The following PRELID3B variants were observed in gnomAD, a reference collection of about 807,000 sequenced individuals.
PRELID3B encodes PRELI domain containing 3B.
PRELID3B carries 15 observed loss-of-function variants against 24.0 expected under a neutral mutation model. That is an observed-to-expected ratio of 0.63 (90% CI 0.42 to 0.96). PRELID3B has a LOEUF of 0.96. Among genes scored for constraint, PRELID3B ranks in the 40% least tolerant of loss-of-function variants. PRELID3B has a pLI of 0.00. For missense variants in PRELID3B, 189 were observed against 236.0 expected (o/e 0.80, Z 1.30); for synonymous variants, 62 against 76.0 (o/e 0.82, Z 0.96).
chr20:59,038,648 C>CA lies in PRELID3B; in HGVS notation c.33-15_33-14insT. 17 of 1,221,390 alleles carry CA rather than the reference C, an allele frequency of 1.4e-5. No individual in the cohort carries two copies. The highest frequency in any genetic ancestry group is 4.9e-5 in the South Asian group (2 of 41,122). The allele number at this position is 1,221,390 out of a possible 1,614,324, so 75.7% of individuals were successfully genotyped here. On this transcript the variant is annotated splice_polypyrimidine_tract_variant and intron_variant, in intron 1 of 5. Coordinates refer to ENST00000355937, the MANE Select transcript of PRELID3B (RefSeq NM_016045.3). ...TCCCACGGGTGGCTGCCGATGTGAA[C>CA]CAAAAAAAAAAAAAAAAAAATTCAG...
At chr20:59,039,254 A>G (rs994956751) in intron 1 of PRELID3B, among the ~76,000 whole-genome samples, 2 of 152,246 alleles carry the variant, frequency 1.3e-5, no homozygotes, top group Non-Finnish European at 2.9e-5. Context: ...GTCACTCAAT[A>G]TAATAAAATG....
chr20:59,035,538 G>A (rs952634700), intron 5 of PRELID3B, among the ~76,000 whole-genome samples: 1 of 152,096 alleles, frequency 6.6e-6, no homozygotes, highest in Non-Finnish European at 1.5e-5. Flanking sequence ...GTTCTATATA[G>A]TTCCTTGAAA....
At chr20:59,042,626 C>A in intron 1 of PRELID3B, 73 bp downstream of exon 1, 1 of 1,516,442 alleles carries the variant, frequency 6.6e-7, no homozygotes, top group African/African-American at 1.4e-5. Context: ...TCCTGCGGGC[C>A]GCCTCTGCCT....
rs2092059850 is a variant in PRELID3B, at chr20:59,034,928, T to C, written c.*79A>G. ...AAAAAAACTACCCAAAATATAGTTG[T>C]ATTTTTAAAATAACAAATAAATATA... On this transcript the variant is annotated 3_prime_UTR_variant, in exon 6 of 6. Transcript: ENST00000355937. The C allele has an allele frequency of 2.3e-6, 3 of 1,298,818 alleles. No individual in the cohort carries two copies. The highest frequency in any genetic ancestry group is 3.0e-6 in the Non-Finnish European group (3 of 992,064). 80.5% of individuals were successfully genotyped at this position (1,298,818 alleles called of 1,614,324 possible).
Position 59,038,491 on chromosome 20 carries a change from C to A in PRELID3B, c.176G>T (p.Trp59Leu), listed in dbSNP as rs890452691. 7.4e-6 allele frequency: 12 copies of A among 1,613,490 alleles called. No homozygotes were observed. The highest frequency in any genetic ancestry group is 1.3e-5 in the African/African-American group (1 of 74,864). The change falls in exon 2 of 6, where the codon TGG becomes TTG. Residue 59 changes from tryptophan to leucine, a missense_variant. Coordinates refer to ENST00000355937, the MANE Select transcript of PRELID3B (RefSeq NM_016045.3). The stretch of plus-strand genomic sequence containing the variant: ...AGACTTCACAATGGAAGGCAGTCCC[C>A]ACTCTGTGCTGAGAAGTCTGTGGCT... ...LHSHRLLSTE[W>L]GLPSIVKSLI...
In PRELID3B at chr20:59,033,413, T is replaced by C. The variant is rs1398990394; in HGVS notation, c.*1594A>G. The stretch of plus-strand genomic sequence containing the variant: ...TACACCTTTTTCAGAACAAGGATAA[T>C]TTACAGAAATTATACAAAGCAGATT... On this transcript the variant is annotated 3_prime_UTR_variant, in exon 6 of 6. Transcript: ENST00000355937. The C allele has an allele frequency of 2.0e-5, 3 of 152,226 alleles. No individual in the cohort carries two copies. The highest frequency in any genetic ancestry group is 4.4e-5 in the Non-Finnish European group (3 of 68,026). The allele number at this position is 152,226 out of a possible 1,614,324, so 9.4% of individuals were successfully genotyped here.
chr20:59,042,786 G>C lies in PRELID3B; in HGVS notation c.-56C>G, dbSNP rs994255227. ...GCGCCAGGGGACAACGAGGCACAGA[G>C]GCTACACCTGCCCCTGCCCCGCCCC... is the stretch of plus-strand genomic sequence containing the variant. On this transcript the variant is annotated 5_prime_UTR_variant, in exon 1 of 6. Coordinates refer to ENST00000355937, the MANE Select transcript of PRELID3B (RefSeq NM_016045.3). 2.6e-6 allele frequency: 4 copies of C among 1,559,886 alleles called. No homozygotes were observed. Among genetic ancestry groups the C allele is most frequent in the Non-Finnish European group, 3.5e-6 (4 of 1,150,750 alleles).
At chr20:59,038,911 C>T (rs2092093555) in intron 1 of PRELID3B, among the ~76,000 whole-genome samples, 1 of 152,158 alleles carries the variant, frequency 6.6e-6, no homozygotes, top group Non-Finnish European at 1.5e-5. Context: ...TTATCCTTAT[C>T]CACTTTCACA....
At chr20:59,038,384 C>T (rs1357608769) in intron 2 of PRELID3B, 82 bp downstream of exon 2, 25 of 1,249,752 alleles carry the variant, frequency 2.0e-5, no homozygotes, top group Non-Finnish European at 2.6e-5. Context: ...AATCGGCTCC[C>T]ACAACCTATT....
Position 59,038,015 on chromosome 20 carries a change from T to C in PRELID3B, c.201+451A>G, listed in dbSNP as rs146454206. 1.2e-3 allele frequency: 193 copies of C among 156,472 alleles called. No homozygotes were observed. The Middle Eastern group carries it at 0.013, about 11-fold the overall frequency. The allele number at this position is 156,472 out of a possible 1,614,324, so 9.7% of individuals were successfully genotyped here. ...TAAAGCCTGCTCATTCTTAAGGGAA[T>C]AGAATTGTTTCTAAATGTACAGGAA... On this transcript the variant is annotated intron_variant, in intron 2 of 5. Transcript: ENST00000355937.
chr20:59,035,158 T>A, intron 5 of PRELID3B, 32 bp from the exon 6 acceptor site: 1 of 1,586,510 alleles, frequency 6.3e-7, no homozygotes, highest in Non-Finnish European at 8.6e-7. Context: ...TTATTGTTAC[T>A]GAGGGAGAGC....
intron 1 of PRELID3B, among the ~76,000 whole-genome samples, chr20:59,042,292 C>G (rs1028535759): frequency 9.2e-5 from 14 of 152,274 alleles, no homozygotes; most frequent in Non-Finnish European, 1.3e-4. Flanking sequence ...AAAACCAACA[C>G]CTCCCTCTTG....
chr20:59,038,558 C>T lies in PRELID3B; in HGVS notation c.109G>A (p.Asp37Asn), dbSNP rs755422133. 2 of 1,613,358 alleles carry T rather than the reference C, an allele frequency of 1.2e-6. No individual in the cohort carries two copies. The highest frequency in any genetic ancestry group is 1.7e-5 in the Admixed American group (1 of 59,956). The change falls in exon 2 of 6, where the codon GAT (aspartate) becomes AAT (asparagine). Residue 37 changes from aspartate (D) to asparagine (N), a missense_variant. Coordinates refer to ENST00000355937, the MANE Select transcript of PRELID3B (RefSeq NM_016045.3). ...GGATCTATATGTCTGTCCAACACAT[C>T]AACTCCAACCACACTTGGGTTCATA... ...NPMNPSVVGV[D>N]VLDRHIDPSG... is the part of the protein sequence containing the mutation.
Position 59,037,226 on chromosome 20 carries a change from G to T in PRELID3B, c.256C>A (p.Pro86Thr). The change falls in exon 3 of 6, where the codon CCT becomes ACT. Residue 86 changes from proline to threonine, a missense_variant. By Grantham distance (38) the Pro-to-Thr change is conservative. Coordinates refer to ENST00000355937, the MANE Select transcript of PRELID3B (RefSeq NM_016045.3). ...TYVQEHSVVD[P>T]VEKTMELKST... ...TTAAGTTCCATTGTTTTCTCTACAG[G>T]ATCAACTACAGAATGTTCTTGCACA... The T allele has an allele frequency of 6.2e-7, 1 of 1,613,864 alleles. No homozygotes were observed. The highest frequency in any genetic ancestry group is 8.5e-7 in the Non-Finnish European group (1 of 1,179,826).
In PRELID3B at chr20:59,034,882, CAACTT is replaced by C; in HGVS notation, c.*120_*124del. ...TTGATCAAGTCACATAGCCTTACAC[CAACTT>C]ATCAAAAAAAAAAAAAAAAAAACTA... On this transcript the variant is annotated 3_prime_UTR_variant, in exon 6 of 6. Transcript: ENST00000355937. 1 of 812,258 alleles carries C rather than the reference CAACTT, an allele frequency of 1.2e-6. No homozygotes were observed. Among genetic ancestry groups the C allele is most frequent in the Non-Finnish European group, 1.7e-6 (1 of 600,128 alleles). 50.3% of individuals were successfully genotyped at this position (812,258 alleles called of 1,614,324 possible). A position where few individuals can be genotyped will look rare whatever the true frequency, so the allele number is the denominator to read the frequency against.
At position 59,034,053 on chromosome 20, in the gene PRELID3B, T is replaced by C. The variant is rs1223983980; in HGVS notation, c.*954A>G. ...ATTTATGCCTCAGAGCAAGACATCA[T>C]TTGAGTAATTTCAAATGATACACAG... is the stretch of plus-strand genomic sequence containing the variant. On this transcript the variant is annotated 3_prime_UTR_variant, in exon 6 of 6. Transcript: ENST00000355937. 6.6e-6 allele frequency: 1 copy of C among 152,170 alleles called. No individual in the cohort carries two copies. Among genetic ancestry groups the C allele is most frequent in the Non-Finnish European group, 1.5e-5 (1 of 68,040 alleles). The allele number at this position is 152,170 out of a possible 1,614,324, so 9.4% of individuals were successfully genotyped here. A position where few individuals can be genotyped will look rare whatever the true frequency, so the allele number is the denominator to read the frequency against.
chr20:59,042,587 C>T (rs2092118553), intron 1 of PRELID3B, 112 bp downstream of exon 1: 1 of 1,248,818 alleles, frequency 8.0e-7, no homozygotes, highest in Non-Finnish European at 1.1e-6. Context: ...AGAGTTCGCT[C>T]CCCTCGCTAG....
chr20:59,034,909 A>AC lies in PRELID3B; in HGVS notation c.*97dup, dbSNP rs2092059641. On this transcript the variant is annotated 3_prime_UTR_variant, in exon 6 of 6. Coordinates refer to ENST00000355937, the MANE Select transcript of PRELID3B (RefSeq NM_016045.3). ...ACTTATCAAAAAAAAAAAAAAAAAA[A>AC]CTACCCAAAATATAGTTGTATTTTT... 2.8e-6 allele frequency: 3 copies of AC among 1,086,916 alleles called. No homozygotes were observed. Among genetic ancestry groups the AC allele is most frequent in the African/African-American group, 3.2e-5 (2 of 62,552 alleles). 67.3% of individuals were successfully genotyped at this position (1,086,916 alleles called of 1,614,324 possible). A position where few individuals can be genotyped will look rare whatever the true frequency, so the allele number is the denominator to read the frequency against.
chr20:59,034,572 T>C lies in PRELID3B; in HGVS notation c.*435A>G, dbSNP rs1480611878. On this transcript the variant is annotated 3_prime_UTR_variant, in exon 6 of 6. Coordinates refer to ENST00000355937, the MANE Select transcript of PRELID3B (RefSeq NM_016045.3). The stretch of plus-strand genomic sequence containing the variant: ...TTTTAAAACTACACAATTTCTCCTT[T>C]TAAGTGAGCTCCCTTGTGCAAGCTG... 1 of 154,280 alleles carries C rather than the reference T, an allele frequency of 6.5e-6. No individual in the cohort carries two copies. Among genetic ancestry groups the C allele is most frequent in the Non-Finnish European group, 1.4e-5 (1 of 69,440 alleles). 9.6% of individuals were successfully genotyped at this position (154,280 alleles called of 1,614,324 possible).
Sources: allele counts gnomAD v4.1 joint callset (sites outside exome capture counted in the v4.1 genomes callset), GRCh38; gene constraint gnomAD v4.1.1; transcripts MANE v1.5; gene names NCBI Gene and HGNC (gene_info 2026-07-23, HGNC 2026-07-21).